The following CATSPERB variants were observed in gnomAD, a reference collection of about 807,000 sequenced individuals.
The protein encoded by CATSPERB is cation channel sperm-associated auxiliary subunit beta.
A neutral mutation model predicts 128.3 loss-of-function variants in CATSPERB; 93 were observed. The observed-to-expected ratio is 0.72, with a 90% CI of 0.61 to 0.86. The LOEUF (loss-of-function observed/expected upper bound fraction) is 0.86, where lower values mean the gene tolerates loss of function less well. CATSPERB is among the 40% of genes least tolerant of loss of function. The pLI is 0.00. For missense variants in CATSPERB, 1,153 were observed against 1,329.5 expected (o/e 0.87, Z 2.06); for synonymous variants, 381 against 448.8 (o/e 0.85, Z 1.91).
In CATSPERB at chr14:91,669,837, A is replaced by G; in HGVS notation, c.1264T>C (p.Phe422Leu). Residue 422 changes from phenylalanine to leucine, a missense_variant, in exon 14 of 27, where the codon TTT (phenylalanine) becomes CTT (leucine). Transcript: ENST00000256343. Reference sequence around the variant, plus strand: ...ACCTGATTGCCATAAGCATACAAAAAGTGGCTTCGGGGATGAAATACCATT... The same window carrying G: ...ACCTGATTGCCATAAGCATACAAAAGGTGGCTTCGGGGATGAAATACCATT... ...VGMVFHPRSHFLYAYGNQIWL... is the reference protein window; with the variant it reads ...VGMVFHPRSHLLYAYGNQIWL... The G allele has an allele frequency of 6.2e-7, 1 of 1,612,758 alleles. No individual in the cohort carries two copies. Among genetic ancestry groups the G allele is most frequent in the African/African-American group, 1.3e-5 (1 of 74,936 alleles).
At chr14:91,598,253 A>G (rs1243469849) in intron 22 of CATSPERB, among the ~76,000 whole-genome samples, 2 of 151,652 alleles carry the variant, frequency 1.3e-5, no homozygotes, top group Non-Finnish European at 1.5e-5. Context: ...CTTGTTTTAT[A>G]TATAACCTTT....
At chr14:91,617,783 A>C in intron 19 of CATSPERB, 47 bp from the exon 20 acceptor site, 2 of 1,298,810 alleles carry the variant, frequency 1.5e-6, no homozygotes, top group Non-Finnish European at 2.2e-6. Context: ...GAAAACTGTA[A>C]ACTCAATTGA....
At chr14:91,664,889 T>C (rs913728718) in intron 14 of CATSPERB, among the ~76,000 whole-genome samples, 7 of 152,164 alleles carry the variant, frequency 4.6e-5, no homozygotes, top group African/African-American at 1.7e-4. Context: ...CACACATAAA[T>C]TGATTTTTGT....
intron 18 of CATSPERB, among the ~76,000 whole-genome samples, chr14:91,624,347 G>A (rs562339262): frequency 1.3e-5 from 2 of 152,368 alleles, no homozygotes; most frequent in African/African-American, 4.8e-5. Context: ...AGCTGGGCGT[G>A]GCAGCATGCG....
intron 22 of CATSPERB, among the ~76,000 whole-genome samples, chr14:91,598,673 ATG>A: frequency 6.6e-6 from 1 of 152,018 alleles, no homozygotes; most frequent in South Asian, 2.1e-4. Flanking sequence ...CCTGGCTAAC[ATG>A]GTGAAACCCC....
At chr14:91,636,715 C>A in intron 16 of CATSPERB, 136 bp from the exon 17 acceptor site, 1 of 760,874 alleles carries the variant, frequency 1.3e-6, no homozygotes, top group East Asian at 2.7e-5. Context: ...AATAAGTCAA[C>A]GTGTTCTGTT....
At position 91,703,252 on chromosome 14, in the gene CATSPERB, A is replaced by T. The variant is rs368533064; in HGVS notation, c.616+1300T>A. On this transcript the variant is annotated intron_variant, in intron 7 of 26. Coordinates refer to ENST00000256343, the MANE Select transcript of CATSPERB (RefSeq NM_024764.4). ...ATTAGTAGTTGAAATGTGTAATGACATTGTGATATTGTGATATAACGAGAA... is the reference window on the plus strand; with the variant it reads ...ATTAGTAGTTGAAATGTGTAATGACTTTGTGATATTGTGATATAACGAGAA... Among the ~76,000 whole-genome samples the T allele has an allele frequency of 1.8e-3, 273 of 152,294 alleles. 3 individuals are homozygous for T. Among genetic ancestry groups the T allele is most frequent in the South Asian group, 0.017 (84 of 4,826 alleles).
intron 11 of CATSPERB, among the ~76,000 whole-genome samples, chr14:91,680,839 C>A (rs1382721119): frequency 1.3e-5 from 2 of 152,070 alleles, no homozygotes; most frequent in African/African-American, 4.8e-5. Context: ...CAAGGGAACC[C>A]CAAGAAAAAC....
chr14:91,724,082 T>C (rs560771357), intron 3 of CATSPERB, among the ~76,000 whole-genome samples: 1 of 152,258 alleles, frequency 6.6e-6, no homozygotes, highest in African/African-American at 2.4e-5. Context: ...TAATGAACAT[T>C]AAACTTTTTT....
intron 21 of CATSPERB, among the ~76,000 whole-genome samples, chr14:91,609,876 G>A (rs1444141738): frequency 6.6e-5 from 10 of 151,832 alleles, no homozygotes; most frequent in African/African-American, 2.4e-4. Flanking sequence ...GCGTGCCACC[G>A]TGCCGGGCTA....
intron 15 of CATSPERB, among the ~76,000 whole-genome samples, chr14:91,657,711 C>A (rs769967621): frequency 2.6e-5 from 4 of 152,068 alleles, no homozygotes; most frequent in Non-Finnish European, 4.4e-5. Context: ...GGGCAAAAAT[C>A]TGAATAGACA....
chr14:91,650,421 TGAATAC>T, intron 15 of CATSPERB, among the ~76,000 whole-genome samples: 1 of 152,158 alleles, frequency 6.6e-6, no homozygotes, highest in Non-Finnish European at 1.5e-5. Context: ...TTTTAGAAAA[TGAATAC>T]GAATATGAAT....
At chr14:91,660,116 T>TCTCA (rs1491178197) in intron 14 of CATSPERB, 135 bp from the exon 15 acceptor site, 12 of 239,342 alleles carry the variant, frequency 5.0e-5, no homozygotes, top group African/African-American at 3.8e-4. Flanking sequence ...TCTCTCTCTC[T>TCTCA]CACACACACA....
intron 22 of CATSPERB, chr14:91,604,399 T>TC: frequency 9.4e-7 from 1 of 1,058,688 alleles, no homozygotes; most frequent in Non-Finnish European, 1.5e-6. Context: ...ATTGCACTCT[T>TC]CTTCACACAT....
intron 14 of CATSPERB, among the ~76,000 whole-genome samples, chr14:91,665,666 T>TA (rs1226804463): frequency 6.6e-6 from 1 of 152,118 alleles, no homozygotes; most frequent in Admixed American, 6.5e-5. Context: ...GGTCAGGAGA[T>TA]AGAGACCAGC....
At chr14:91,693,340 T>G in intron 8 of CATSPERB, 44 bp downstream of exon 8, 3 of 1,558,804 alleles carry the variant, frequency 1.9e-6, no homozygotes, top group Non-Finnish European at 2.6e-6. Flanking sequence ...CAAATATTGA[T>G]GTAAGTAAAA....
chr14:91,655,984 A>G (rs1370105920), intron 15 of CATSPERB, among the ~76,000 whole-genome samples: 6 of 152,204 alleles, frequency 3.9e-5, no homozygotes, highest in Non-Finnish European at 7.3e-5. Context: ...GAGCCCCAAT[A>G]TATCTGGCAC....
At chr14:91,638,487 C>T (rs1000993810) in intron 16 of CATSPERB, among the ~76,000 whole-genome samples, 6 of 151,568 alleles carry the variant, frequency 4.0e-5, no homozygotes, top group African/African-American at 1.2e-4. Flanking sequence ...GCAGCGTGAT[C>T]GCAGTTCACT....
At chr14:91,621,528 T>A in intron 19 of CATSPERB, 80 bp downstream of exon 19, 2 of 1,126,400 alleles carry the variant, frequency 1.8e-6, no homozygotes, top group Non-Finnish European at 2.5e-6. Flanking sequence ...ATAAAGTCAG[T>A]CAGTATCAAA....
Sources: gnomAD v4.1 joint callset for allele counts (sites outside exome capture counted in the v4.1 genomes callset) on GRCh38, gnomAD v4.1.1 for gene constraint, MANE v1.5 for transcripts, NCBI Gene and HGNC (gene_info 2026-07-23, HGNC 2026-07-21) for gene names.